TRDMT1: variants seen among roughly 807,000 people sequenced by gnomAD.
The protein encoded by TRDMT1 is tRNA (cytosine(38)-C(5))-methyltransferase.
A neutral mutation model predicts 51.2 loss-of-function variants in TRDMT1; 49 were observed. That is an observed-to-expected ratio of 0.96 (90% CI 0.76 to 1.21). TRDMT1 has a LOEUF of 1.21. TRDMT1 is among the 50% of genes most tolerant of loss of function. TRDMT1 has a pLI of 0.00. For synonymous variants in TRDMT1, 187 were observed against 164.6 expected (o/e 1.14, Z -1.04); for missense variants, 534 against 462.3 (o/e 1.16, Z -1.42).
At chr10:17,194,666 C>T (rs1262400545) in intron 1 of TRDMT1, among the ~76,000 whole-genome samples, 3 of 151,984 alleles carry the variant, frequency 2.0e-5, no homozygotes, top group Admixed American at 1.3e-4. Flanking sequence ...GGCGTGATGG[C>T]TCATGCCTGT....
chr10:17,142,545 CCA>C lies in TRDMT1; in HGVS notation c.*6493_*6494del, dbSNP rs1055016729. 7 of 152,208 alleles carry C rather than the reference CCA, an allele frequency of 4.6e-5. No individual in the cohort carries two copies. In the South Asian group the frequency reaches 1.5e-3, roughly 32 times the overall value. The allele number at this position is 152,208 out of a possible 1,614,324, so 9.4% of individuals were successfully genotyped here. On this transcript the variant is annotated 3_prime_UTR_variant, in exon 11 of 11. Transcript: ENST00000377799. ...ATCTTCCTGGGTTAGATGCTTTTTG[CCA>C]GAGGCCCCTGGATGCTCATCTCTCA...
At position 17,147,075 on chromosome 10, in the gene TRDMT1, A is replaced by T; in HGVS notation, c.*1965T>A. ...TATAGTTGGTGCACAGTAACTCGAC[A>T]CTTATTTTGTATAATGTTGCTCAAC... On this transcript the variant is annotated 3_prime_UTR_variant, in exon 11 of 11. Transcript: ENST00000377799. The T allele has an allele frequency of 1.0e-6, 1 of 985,756 alleles. No individual in the cohort carries two copies. 61.1% of individuals were successfully genotyped at this position (985,756 alleles called of 1,614,324 possible).
In TRDMT1 at chr10:17,166,181, C is replaced by T. The variant is rs184721117; in HGVS notation, c.251+2660G>A. ...TGTGGCACATATACACCATGGAATA[C>T]TATGCAGCCATAAAAAGGATGAGTT... is the stretch of plus-strand genomic sequence containing the variant. On this transcript the variant is annotated intron_variant, in intron 3 of 10. Transcript: ENST00000377799. Among the ~76,000 whole-genome samples, 892 of 152,152 alleles carry T rather than the reference C, an allele frequency of 5.9e-3. 5 individuals are homozygous for T. Among genetic ancestry groups the T allele is most frequent in the African/African-American group, 0.02 (841 of 41,476 alleles).
At chr10:17,179,514 G>A (rs767694739) in intron 1 of TRDMT1, among the ~76,000 whole-genome samples, 1 of 151,562 alleles carries the variant, frequency 6.6e-6, no homozygotes, top group Non-Finnish European at 1.5e-5. Context: ...GAATATTATA[G>A]ATTAAATAGA....
At chr10:17,182,556 A>G (rs1843399217) in intron 1 of TRDMT1, among the ~76,000 whole-genome samples, 1 of 152,228 alleles carries the variant, frequency 6.6e-6, no homozygotes, top group Non-Finnish European at 1.5e-5. Context: ...ATACATCTAC[A>G]AAATAGAAGT....
intron 5 of TRDMT1, among the ~76,000 whole-genome samples, chr10:17,160,834 T>G (rs1311702955): frequency 1.3e-5 from 2 of 152,162 alleles, no homozygotes; most frequent in African/African-American, 4.8e-5. Flanking sequence ...TGACCCTACG[T>G]TTTTACTAAG....
At chr10:17,198,912 T>C (rs1845793760) in intron 1 of TRDMT1, among the ~76,000 whole-genome samples, 1 of 152,188 alleles carries the variant, frequency 6.6e-6, no homozygotes, top group Admixed American at 6.5e-5. Context: ...TTATTTAATG[T>C]ATAGATCCAA....
At chr10:17,151,004 T>C in intron 10 of TRDMT1, 2 of 983,768 alleles carry the variant, frequency 2.0e-6, no homozygotes, top group African/African-American at 1.7e-5. Context: ...TATGTGTGTG[T>C]GCATGTGTGT....
At chr10:17,194,799 C>T (rs375515679) in intron 1 of TRDMT1, among the ~76,000 whole-genome samples, 46 of 151,556 alleles carry the variant, frequency 3.0e-4, no homozygotes, top group African/African-American at 1.1e-3. Context: ...CAAGCGTGGT[C>T]GTGGGCACCT....
intron 8 of TRDMT1, among the ~76,000 whole-genome samples, chr10:17,156,198 G>T (rs1465523966): frequency 6.6e-6 from 1 of 151,846 alleles, no homozygotes; most frequent in African/African-American, 2.4e-5. Context: ...AGGTTGAGTA[G>T]CATTCAGAAA....
chr10:17,168,543 G>A (rs967141482), intron 3 of TRDMT1, among the ~76,000 whole-genome samples: 5 of 152,210 alleles, frequency 3.3e-5, no homozygotes, highest in African/African-American at 1.2e-4. Flanking sequence ...GGACCCGGTG[G>A]GAGGTAACGG....
At chr10:17,162,291 A>C in intron 3 of TRDMT1, 54 bp from the exon 4 acceptor site, 1 of 1,495,006 alleles carries the variant, frequency 6.7e-7, no homozygotes, top group Non-Finnish European at 9.1e-7. Flanking sequence ...GTTTATTAAG[A>C]ATCTGATAAA....
In TRDMT1 at chr10:17,165,812, T is replaced by C. The variant is rs371221047; in HGVS notation, c.251+3029A>G. On this transcript the variant is annotated intron_variant, in intron 3 of 10. Transcript: ENST00000377799. ...CCATCAGAGAAATGCAAATCAAAACTACAATGAGATACCATCTCACACCAG... is the reference window on the plus strand; with the variant it reads ...CCATCAGAGAAATGCAAATCAAAACCACAATGAGATACCATCTCACACCAG... Among the ~76,000 whole-genome samples, 29 of 151,868 alleles carry C rather than the reference T, an allele frequency of 1.9e-4. 1 individual carries two copies. The Middle Eastern group carries it at 0.017, about 89-fold the overall frequency.
At position 17,199,011 on chromosome 10, in the gene TRDMT1, C is replaced by T. The variant is rs147380957; in HGVS notation, c.64+2560G>A. 4.7e-3 allele frequency among the ~76,000 whole-genome samples: 722 copies of T among 152,122 alleles called. 34 individuals are homozygous for T. The East Asian group carries it at 0.1, about 21-fold the overall frequency. ...ACCTAGGTTAAAATACCAGTTCTAC[C>T]GCTAACTAGTTTATTACATACTTAA... On this transcript the variant is annotated intron_variant, in intron 1 of 10. Transcript: ENST00000377799.
At chr10:17,168,697 G>T in intron 3 of TRDMT1, 144 bp downstream of exon 3, 2 of 585,302 alleles carry the variant, frequency 3.4e-6, no homozygotes, top group Admixed American at 3.2e-5. Flanking sequence ...CTTGCCTTCC[G>T]CCATGATTGT....
chr10:17,158,285 T>TCA (rs1324678096), intron 7 of TRDMT1, among the ~76,000 whole-genome samples: 2 of 152,152 alleles, frequency 1.3e-5, no homozygotes, highest in Non-Finnish European at 2.9e-5. Context: ...TGGGAAAAAC[T>TCA]TGTTTCTGCA....
intron 1 of TRDMT1, among the ~76,000 whole-genome samples, chr10:17,186,072 T>TAAAC (rs1208176099): frequency 6.6e-6 from 1 of 151,170 alleles, no homozygotes; most frequent in Non-Finnish European, 1.5e-5. Context: ...AATAAATAAA[T>TAAAC]AAATAAATAA....
chr10:17,152,605 C>T lies in TRDMT1; in HGVS notation c.1075+902G>A, dbSNP rs146300971. 3.9e-4 allele frequency among the ~76,000 whole-genome samples: 59 copies of T among 152,306 alleles called. No individual in the cohort carries two copies. In the East Asian group the frequency reaches 0.011, roughly 27 times the overall value. On this transcript the variant is annotated intron_variant, in intron 10 of 10. Coordinates refer to ENST00000377799, the MANE Select transcript of TRDMT1 (RefSeq NM_004412.7). The stretch of plus-strand genomic sequence containing the variant: ...TCTAGCCAGGGAAGCATTCGAGGGA[C>T]GTGAGTCTTCCTCCCAGCCCATCAG...
intron 1 of TRDMT1, among the ~76,000 whole-genome samples, chr10:17,177,195 T>TATTTATTTATTTATTC (rs1842726969): frequency 6.7e-6 from 1 of 150,070 alleles, no homozygotes; most frequent in Non-Finnish European, 1.5e-5. Flanking sequence ...TTTATTTATT[T>TATTTATTTATTTATTC]ATTTATTTAT....
Sources: gnomAD v4.1 joint callset for allele counts (sites outside exome capture counted in the v4.1 genomes callset) on GRCh38, gnomAD v4.1.1 for gene constraint, MANE v1.5 for transcripts, NCBI Gene and HGNC (gene_info 2026-07-23, HGNC 2026-07-21) for gene names.